ABCC1: variants seen among roughly 807,000 people sequenced by gnomAD.
The protein encoded by ABCC1 is ATP binding cassette subfamily C member 1 (ABCC1 blood group).
Under a neutral mutation model 172.9 loss-of-function variants are expected in ABCC1, and 83 were observed. The ratio of observed to expected loss-of-function variants is 0.48; its 90% CI spans 0.40 to 0.58. The LOEUF (loss-of-function observed/expected upper bound fraction) is 0.58. ABCC1 is among the 20% of genes least tolerant of loss of function. ABCC1 has a pLI of 0.00. For synonymous variants in ABCC1, 937 were observed against 825.2 expected (o/e 1.14, Z -2.32); for missense variants, 1,817 against 2,002.7 (o/e 0.91, Z 1.77).
At chr16:16,003,947 G>T (rs541334896) in intron 1 of ABCC1, among the ~76,000 whole-genome samples, 1 of 151,010 alleles carries the variant, frequency 6.6e-6, no homozygotes, top group African/African-American at 2.4e-5. Context: ...AATTGGTTGG[G>T]GGGGGTGGAT....
At chr16:16,090,316 G>A (rs1596482749) in intron 18 of ABCC1, 89 bp from the exon 19 acceptor site, 8 of 1,372,912 alleles carry the variant, frequency 5.8e-6, no homozygotes, top group Middle Eastern at 2.4e-4. Flanking sequence ...GGTGTTCGTC[G>A]GCTCATTCCT....
chr16:15,950,114 C>T (rs1166868311), intron 1 of ABCC1, among the ~76,000 whole-genome samples: 2 of 151,886 alleles, frequency 1.3e-5, no homozygotes, highest in African/African-American at 2.4e-5. Context: ...GTAAAAACAA[C>T]CTTCCAGGGA....
chr16:16,077,268 A>G (rs77047844), intron 15 of ABCC1, among the ~76,000 whole-genome samples: 3,649 of 152,260 alleles, frequency 0.024, 153 homozygotes, highest in African/African-American at 0.084. Context: ...TGAAGGAGAG[A>G]AACTCTCCAG....
chr16:15,999,329 G>T (rs2047165364), intron 1 of ABCC1, among the ~76,000 whole-genome samples: 1 of 151,974 alleles, frequency 6.6e-6, no homozygotes, highest in South Asian at 2.1e-4. Flanking sequence ...AAAGAAATGG[G>T]GTCTCGCTGG....
chr16:16,014,428 CAA>C (rs2047911726), intron 3 of ABCC1, 61 bp from the exon 4 acceptor site: 12 of 1,576,264 alleles, frequency 7.6e-6, no homozygotes, highest in African/African-American at 1.4e-5. Context: ...GCCTGGGTGA[CAA>C]GAGTGAAACT....
chr16:16,079,986 T>C (rs2050745167), intron 16 of ABCC1, among the ~76,000 whole-genome samples: 1 of 151,948 alleles, frequency 6.6e-6, no homozygotes, highest in African/African-American at 2.4e-5. Context: ...AATTTTTATA[T>C]TTTTTTAGTA....
chr16:16,002,873 G>A lies in ABCC1; in HGVS notation c.49-4943G>A, dbSNP rs974644749. ...GCCTTTTGTGGCAACAAAATAGGTC[G>A]TATTTGGAATATATCTGGAAGAATG... On this transcript the variant is annotated intron_variant, in intron 1 of 30. Transcript: ENST00000399410. Among the ~76,000 whole-genome samples the A allele has an allele frequency of 5.3e-5, 8 of 152,132 alleles. No homozygotes were observed. In the South Asian group the frequency reaches 8.3e-4, roughly 16 times the overall value.
intron 4 of ABCC1, among the ~76,000 whole-genome samples, chr16:16,015,010 C>T (rs528402093): frequency 1.3e-5 from 2 of 152,172 alleles, no homozygotes; most frequent in Non-Finnish European, 2.9e-5. Flanking sequence ...AGTGACTGTT[C>T]CCCTGGGGGA....
chr16:16,040,298 T>G (rs2048926773), intron 7 of ABCC1, among the ~76,000 whole-genome samples: 1 of 151,806 alleles, frequency 6.6e-6, no homozygotes, highest in Non-Finnish European at 1.5e-5. Context: ...TTTATATTTG[T>G]TTTTTTGAGA....
intron 24 of ABCC1, among the ~76,000 whole-genome samples, chr16:16,122,422 G>T (rs1181048739): frequency 6.6e-6 from 1 of 151,880 alleles, no homozygotes; most frequent in Non-Finnish European, 1.5e-5. Context: ...AGAAAGCCCT[G>T]CAAGTGCTTC....
intron 1 of ABCC1, among the ~76,000 whole-genome samples, chr16:15,999,810 C>T (rs868475195): frequency 5.2e-3 from 12 of 2,314 alleles, no homozygotes; most frequent in Admixed American, 0.026. Context: ...TCTCTCTCTC[C>T]TCTCTCTCTC....
At chr16:16,064,167 G>T (rs1303487050) in intron 12 of ABCC1, among the ~76,000 whole-genome samples, 1 of 152,074 alleles carries the variant, frequency 6.6e-6, no homozygotes, top group African/African-American at 2.4e-5. Flanking sequence ...TCCATTCATT[G>T]GTTTTCCACG....
In ABCC1 at chr16:16,102,652, G is replaced by A. The variant is rs778931327; in HGVS notation, c.2670G>A (p.Gly890=). The change falls in exon 20 of 31, where the codon GGG becomes GGA. Residue 890 remains glycine, a synonymous_variant. Coordinates refer to ENST00000399410, the MANE Select transcript of ABCC1 (RefSeq NM_004996.4). ...ENGVTGVSGP[G]KEAKQMENGM... is the part of the protein sequence containing the mutation. ...GGGTCACGGGCGTCAGCGGTCCAGG[G>A]AAGGAAGCAAAGCAAATGGAGAATG... 16 of 1,590,052 alleles carry A rather than the reference G, an allele frequency of 1.0e-5. No individual in the cohort carries two copies. Among genetic ancestry groups the A allele is most frequent in the Non-Finnish European group, 1.4e-5 (16 of 1,168,050 alleles).
At chr16:15,997,007 C>G (rs914553987) in intron 1 of ABCC1, among the ~76,000 whole-genome samples, 1 of 152,024 alleles carries the variant, frequency 6.6e-6, no homozygotes, top group African/African-American at 2.4e-5. Context: ...GGCATGGAGA[C>G]ACAACTTGAT....
chr16:16,041,608 G>A (rs1396327815), intron 7 of ABCC1, among the ~76,000 whole-genome samples: 1 of 152,152 alleles, frequency 6.6e-6, no homozygotes, highest in Non-Finnish European at 1.5e-5. Flanking sequence ...CCTGTCCTAG[G>A]CTGGAATTTC....
intron 19 of ABCC1, among the ~76,000 whole-genome samples, chr16:16,092,961 G>A (rs1279843148): frequency 5.9e-5 from 9 of 152,178 alleles, no homozygotes; most frequent in Admixed American, 5.9e-4. Context: ...CACTCCATCT[G>A]GCCTGGGTGA....
chr16:15,958,337 C>G (rs193198920), intron 1 of ABCC1, among the ~76,000 whole-genome samples: 1 of 152,186 alleles, frequency 6.6e-6, no homozygotes, highest in East Asian at 1.9e-4. Context: ...AATTCCTGAA[C>G]TCAAGTGGAT....
intron 1 of ABCC1, among the ~76,000 whole-genome samples, chr16:15,952,778 C>T (rs2045905345): frequency 6.8e-6 from 1 of 148,040 alleles, no homozygotes; most frequent in Non-Finnish European, 1.5e-5. Flanking sequence ...GCCTGTAATC[C>T]CAGCACTTTG....
At chr16:15,983,110 A>C (rs1386109682) in intron 1 of ABCC1, among the ~76,000 whole-genome samples, 2 of 152,162 alleles carry the variant, frequency 1.3e-5, no homozygotes, top group African/African-American at 4.8e-5. Context: ...GAAGTTGTTA[A>C]ATGGGGGATC....
Sources: allele counts gnomAD v4.1 joint callset (sites outside exome capture counted in the v4.1 genomes callset), GRCh38; gene constraint gnomAD v4.1.1; transcripts MANE v1.5; gene names NCBI Gene and HGNC (gene_info 2026-07-23, HGNC 2026-07-21).